ARB2A: variants seen among roughly 807,000 people sequenced by gnomAD.
ARB2A encodes the protein cotranscriptional regulator ARB2A.
the ARB2A span, among the ~76,000 whole-genome samples, chr5:93,680,159 G>C: frequency 6.6e-6 from 1 of 152,022 alleles, no homozygotes; most frequent in East Asian, 1.9e-4. Flanking sequence ...GATAGGCCTG[G>C]AACGAAGAGG....
the ARB2A span, among the ~76,000 whole-genome samples, chr5:93,779,712 G>C: frequency 6.6e-6 from 1 of 151,998 alleles, no homozygotes; most frequent in Non-Finnish European, 1.5e-5. Context: ...TGTTTCTCTG[G>C]GTCTGAAGGA....
the ARB2A span, among the ~76,000 whole-genome samples, chr5:93,971,799 A>G: frequency 6.6e-6 from 1 of 152,048 alleles, no homozygotes; most frequent in Admixed American, 6.6e-5. Flanking sequence ...ATACCAATAA[A>G]TGGGGGATAG....
At chr5:93,656,935 G>A in the ARB2A span, among the ~76,000 whole-genome samples, 1 of 151,990 alleles carries the variant, frequency 6.6e-6, no homozygotes, top group Non-Finnish European at 1.5e-5. Flanking sequence ...ATTTTTCCAT[G>A]CTGTCCTCAC....
At chr5:93,927,570 GCTAA>G in the ARB2A span, among the ~76,000 whole-genome samples, 1 of 152,192 alleles carries the variant, frequency 6.6e-6, no homozygotes, top group African/African-American at 2.4e-5. Context: ...AGTCAAATGG[GCTAA>G]CTGATACATC....
At chr5:94,039,760 G>A in the ARB2A span, among the ~76,000 whole-genome samples, 19 of 152,126 alleles carry the variant, frequency 1.2e-4, no homozygotes, top group Non-Finnish European at 2.2e-4. Flanking sequence ...GGCAACCATA[G>A]AAGGGACTAT....
At chr5:93,760,814 G>A in the ARB2A span, among the ~76,000 whole-genome samples, 1 of 152,194 alleles carries the variant, frequency 6.6e-6, no homozygotes, top group South Asian at 2.1e-4. Context: ...AGATAACATT[G>A]GAAAACCCCT....
At chr5:93,713,004 T>G in the ARB2A span, among the ~76,000 whole-genome samples, 1 of 152,156 alleles carries the variant, frequency 6.6e-6, no homozygotes, top group East Asian at 1.9e-4. Flanking sequence ...GAAATCCATA[T>G]GCAGAAGAAT....
chr5:93,868,080 G>C, the ARB2A span, among the ~76,000 whole-genome samples: 1 of 152,204 alleles, frequency 6.6e-6, no homozygotes, highest in Non-Finnish European at 1.5e-5. Flanking sequence ...AGCCCTTTGG[G>C]ATGCCAAGGG....
the ARB2A span, among the ~76,000 whole-genome samples, chr5:93,851,149 A>AT: frequency 6.6e-6 from 1 of 152,222 alleles, no homozygotes; most frequent in Admixed American, 6.6e-5. Context: ...GAAACCTGGT[A>AT]TTCCTTTTCC....
the ARB2A span, among the ~76,000 whole-genome samples, chr5:93,772,624 C>T: frequency 6.6e-6 from 1 of 152,116 alleles, no homozygotes; most frequent in Admixed American, 6.5e-5. Context: ...GTGATATTAG[C>T]TCAGGGTTTC....
chr5:94,030,718 G>A, the ARB2A span, among the ~76,000 whole-genome samples: 2 of 152,302 alleles, frequency 1.3e-5, no homozygotes, highest in Non-Finnish European at 2.9e-5. Context: ...ATTGGGAGGT[G>A]GAGCCTTTAA....
the ARB2A span, among the ~76,000 whole-genome samples, chr5:93,853,759 T>C: frequency 1.2e-4 from 18 of 152,224 alleles, no homozygotes; most frequent in Non-Finnish European, 2.2e-4. Flanking sequence ...ATGGATTACA[T>C]AAATTGATTT....
chr5:94,045,169 A>C, the ARB2A span, among the ~76,000 whole-genome samples: 1 of 151,042 alleles, frequency 6.6e-6, no homozygotes, highest in Non-Finnish European at 1.5e-5. Context: ...GTTACCCTAT[A>C]TGGTTTTAAA....
the ARB2A span, among the ~76,000 whole-genome samples, chr5:93,730,342 C>T: frequency 2.0e-5 from 3 of 151,978 alleles, no homozygotes; most frequent in African/African-American, 4.8e-5. Flanking sequence ...GAATAACACA[C>T]TAAATCCCTG....
the ARB2A span, among the ~76,000 whole-genome samples, chr5:93,771,743 A>G: frequency 2.6e-5 from 4 of 152,384 alleles, no homozygotes; most frequent in South Asian, 8.3e-4. Flanking sequence ...ATGCAAATGA[A>G]AACCACAATG....
chr5:93,872,010 G>A, the ARB2A span, among the ~76,000 whole-genome samples: 3 of 149,936 alleles, frequency 2.0e-5, no homozygotes, highest in Admixed American at 6.7e-5. Context: ...GTGCAGTGGC[G>A]TGACCTCGGC....
At chr5:93,771,330 T>G in the ARB2A span, among the ~76,000 whole-genome samples, 2 of 151,762 alleles carry the variant, frequency 1.3e-5, no homozygotes, top group South Asian at 4.2e-4. Flanking sequence ...ACTTAAACGT[T>G]AGACCTAAAA....
the ARB2A span, among the ~76,000 whole-genome samples, chr5:93,834,091 A>C: frequency 6.6e-6 from 1 of 152,230 alleles, no homozygotes; most frequent in Non-Finnish European, 1.5e-5. Context: ...TGTACACCAA[A>C]TATATCGTCT....
the ARB2A span, among the ~76,000 whole-genome samples, chr5:93,636,158 A>G: frequency 1.3e-5 from 2 of 152,222 alleles, no homozygotes; most frequent in African/African-American, 4.8e-5. Flanking sequence ...GCTTTGACAG[A>G]CTTTCAAAAG....
Sources: gnomAD v4.1 joint callset for allele counts (sites outside exome capture counted in the v4.1 genomes callset) on GRCh38, gnomAD v4.1.1 for gene constraint, MANE v1.5 for transcripts, NCBI Gene and HGNC (gene_info 2026-07-23, HGNC 2026-07-21) for gene names.